ANAPC1: variants seen among roughly 807,000 people sequenced by gnomAD.
ANAPC1 encodes anaphase promoting complex subunit 1.
ANAPC1 carries 36 observed loss-of-function variants against 208.0 expected under a neutral mutation model. The observed-to-expected ratio is 0.17, with a 90% CI of 0.13 to 0.23. The LOEUF (loss-of-function observed/expected upper bound fraction) is 0.23, where lower values mean the gene tolerates loss of function less well. ANAPC1 is among the 10% of genes least tolerant of loss of function. The pLI is 1.00. For synonymous variants in ANAPC1, 378 were observed against 695.2 expected (o/e 0.54, Z 7.18); for missense variants, 942 against 2,011.6 (o/e 0.47, Z 10.17).
At chr2:111,843,758 A>G (rs4488672) in intron 16 of ANAPC1, among the ~76,000 whole-genome samples, 159 bp from the exon 17 acceptor site, 6 of 151,570 alleles carry the variant, frequency 4.0e-5, no homozygotes, top group Non-Finnish European at 8.8e-5. Context: ...TTACCTAACC[A>G]ATCATCTGAA....
rs1246088998 is a variant in ANAPC1 at position 111,855,071 on chromosome 2, T to TC, written c.1515+1542_1515+1543insG. Among the ~76,000 whole-genome samples, 3 of 152,294 alleles carry TC rather than the reference T, an allele frequency of 2.0e-5. No homozygotes were observed. In the East Asian group the frequency reaches 5.8e-4, roughly 29 times the overall value. ...GTGATTCTTCCCTTCATTTGAAAAC[T>TC]TAGAGGCCATTAGAGGGTTACTAAT... is the stretch of plus-strand genomic sequence containing the variant. On this transcript the variant is annotated intron_variant, in intron 13 of 47. Transcript: ENST00000341068.
intron 19 of ANAPC1, among the ~76,000 whole-genome samples, chr2:111,834,218 C>T (rs75031626): frequency 0.12 from 17,967 of 152,162 alleles, 1,372 homozygotes; most frequent in Non-Finnish European, 0.16. Context: ...TTGTTTGAGA[C>T]TTTACATGTA....
intron 10 of ANAPC1, among the ~76,000 whole-genome samples, chr2:111,859,700 T>C (rs1025571442): frequency 6.6e-6 from 1 of 152,192 alleles, no homozygotes; most frequent in Non-Finnish European, 1.5e-5. Flanking sequence ...CTCTCTAAGA[T>C]TATGCATTTG....
chr2:111,792,697 A>G (rs563416324), intron 37 of ANAPC1, 142 bp from the exon 38 acceptor site: 3 of 581,162 alleles, frequency 5.2e-6, no homozygotes, highest in South Asian at 2.2e-5. Flanking sequence ...TCACGCCTGT[A>G]ATCCCAGCAC....
chr2:111,874,566 T>C (rs1285491885), intron 3 of ANAPC1, among the ~76,000 whole-genome samples: 1 of 152,210 alleles, frequency 6.6e-6, no homozygotes, highest in Non-Finnish European at 1.5e-5. Context: ...CATAATGTTT[T>C]CAAGGTTCAT....
intron 18 of ANAPC1, among the ~76,000 whole-genome samples, chr2:111,836,915 C>T (rs916300773): frequency 6.6e-6 from 1 of 151,470 alleles, no homozygotes; most frequent in African/African-American, 2.4e-5. Context: ...TTGCAGTGAG[C>T]CAAGATCGTG....
rs1678255050 is a variant in ANAPC1, at chr2:111,798,152, C to G, written c.4296+2645G>C. 6.5e-5 allele frequency among the ~76,000 whole-genome samples: 9 copies of G among 137,472 alleles called. No homozygotes were observed. The South Asian group carries it at 2.4e-3, about 36-fold the overall frequency. 90.2% of individuals were successfully genotyped at this position (137,472 alleles called of 152,430 possible). On this transcript the variant is annotated intron_variant, in intron 34 of 47. Transcript: ENST00000341068. ...ATATAAATTCTGTGCAAATGTCTGC[C>G]TGATCCATGAACCATGTGTGCACAG...
intron 39 of ANAPC1, among the ~76,000 whole-genome samples, chr2:111,785,962 C>T (rs1452797187): frequency 6.6e-6 from 1 of 152,108 alleles, no homozygotes; most frequent in Non-Finnish European, 1.5e-5. Flanking sequence ...ATACACACGT[C>T]CTTGAAACAC....
intron 16 of ANAPC1, among the ~76,000 whole-genome samples, chr2:111,846,534 C>CATATATATATAT (rs1158119946): frequency 5.9e-5 from 4 of 68,350 alleles, no homozygotes; most frequent in African/African-American, 1.4e-4. Context: ...TATACATATA[C>CATATATATATAT]ATATATATAT....
intron 34 of ANAPC1, among the ~76,000 whole-genome samples, chr2:111,797,017 GT>G (rs1325702938): frequency 6.6e-6 from 1 of 151,616 alleles, no homozygotes; most frequent in Non-Finnish European, 1.5e-5. Context: ...TGTTTTTTGT[GT>G]TTTTTTGTTT....
chr2:111,800,829 T>C lies in ANAPC1; in HGVS notation c.4264A>G (p.Asn1422Asp), dbSNP rs1678404540. The change falls in exon 34 of 48, where the codon AAT (asparagine) becomes GAT (aspartate). Residue 1422 changes from asparagine (N) to aspartate (D), a missense_variant. By Grantham distance (23) the Asn-to-Asp change is conservative. Coordinates refer to ENST00000341068, the MANE Select transcript of ANAPC1 (RefSeq NM_022662.4). ...CLILWDDILP[N>D]SKWVDSNVPQ... ...ACATTGCTGTCAACCCACTTGGAATTTGGTAAAATATCATCCCACAAAATC... is the reference window on the plus strand; with the variant it reads ...ACATTGCTGTCAACCCACTTGGAATCTGGTAAAATATCATCCCACAAAATC... 1.7e-6 allele frequency: 1 copy of C among 597,108 alleles called. No homozygotes were observed. The highest frequency in any genetic ancestry group is 2.0e-5 in the South Asian group (1 of 51,230). The allele number at this position is 597,108 out of a possible 1,614,324, so 37.0% of individuals were successfully genotyped here. A position where few individuals can be genotyped will look rare whatever the true frequency, so the allele number is the denominator to read the frequency against.
chr2:111,854,184 A>G (rs998042427), intron 13 of ANAPC1, among the ~76,000 whole-genome samples: 4 of 152,162 alleles, frequency 2.6e-5, no homozygotes, highest in Non-Finnish European at 1.5e-5. Context: ...TCTCCTGTAC[A>G]TCTCCCTCAG....
intron 7 of ANAPC1, among the ~76,000 whole-genome samples, chr2:111,867,701 AAAAC>A (rs1251921726): frequency 2.0e-5 from 3 of 151,072 alleles, no homozygotes; most frequent in African/African-American, 2.4e-5. Context: ...AAAAAAAAAA[AAAAC>A]CCAAAACAAC....
chr2:111,848,203 GA>G (rs1259731555), intron 14 of ANAPC1, among the ~76,000 whole-genome samples: 1 of 152,196 alleles, frequency 6.6e-6, no homozygotes, highest in African/African-American at 2.4e-5. Flanking sequence ...GGTCCTCACA[GA>G]AAACAACTAG....
chr2:111,838,539 T>G (rs1680596659), intron 17 of ANAPC1, 27 bp from the exon 18 acceptor site: 1 of 1,567,896 alleles, frequency 6.4e-7, no homozygotes, highest in South Asian at 1.2e-5. Flanking sequence ...AAAGAAAAGA[T>G]AAAAATCGTA....
chr2:111,809,145 C>T lies in ANAPC1; in HGVS notation c.3634G>A (p.Val1212Ile). ...EMTSIGLLLG[V>I]SAAKLGTMDM... The stretch of plus-strand genomic sequence containing the variant: ...ATGGTGCCTAGTTTTGCAGCAGAAA[C>T]ACCAAGTAGCAGTCCAATGCTTGTC... The change falls in exon 29 of 48, where the codon GTT becomes ATT. Residue 1212 changes from valine (V) to isoleucine (I), a missense_variant. Val to Ile is a conservative substitution (Grantham distance 29, BLOSUM62 3). Coordinates refer to ENST00000341068, the MANE Select transcript of ANAPC1 (RefSeq NM_022662.4). 1 of 1,610,232 alleles carries T rather than the reference C, an allele frequency of 6.2e-7. No individual in the cohort carries two copies.
Position 111,880,968 on chromosome 2 carries a change from A to G in ANAPC1, c.-24-119T>C, listed in dbSNP as rs912186750. The G allele has an allele frequency of 7.7e-6, 7 of 914,726 alleles. No individual in the cohort carries two copies. The East Asian group carries it at 8.0e-5, about 10-fold the overall frequency. 56.7% of individuals were successfully genotyped at this position (914,726 alleles called of 1,614,324 possible). ...GTCAAGTAATTATATCAGACTGGTAAGTATATAAGTTGGTCATAACATAAA... is the reference window on the plus strand; with the variant it reads ...GTCAAGTAATTATATCAGACTGGTAGGTATATAAGTTGGTCATAACATAAA... On this transcript the variant is annotated intron_variant, in intron 1 of 47. Coordinates refer to ENST00000341068, the MANE Select transcript of ANAPC1 (RefSeq NM_022662.4).
Position 111,834,735 on chromosome 2 carries a change from A to C in ANAPC1, c.2253T>G (p.Ser751=), listed in dbSNP as rs1465227582. The C allele has an allele frequency of 1.2e-6, 2 of 1,613,682 alleles. No individual in the cohort carries two copies. The highest frequency in any genetic ancestry group is 2.2e-5 in the East Asian group (1 of 44,848). The change falls in exon 19 of 48, where the codon TCT becomes TCG. Residue 751 remains serine, a synonymous_variant. Coordinates refer to ENST00000341068, the MANE Select transcript of ANAPC1 (RefSeq NM_022662.4). ...EDFSQNLSLD[S]STLLFTHIPA... is the part of the protein sequence containing the mutation. The stretch of plus-strand genomic sequence containing the variant: ...GTATGTGAGTAAAGAGAAGTGTAGA[A>C]GAATCCAGACTGAGATTCTGTGAAA...
intron 2 of ANAPC1, 50 bp from the exon 3 acceptor site, chr2:111,879,021 T>C (rs1423050550): frequency 3.2e-6 from 5 of 1,558,582 alleles, no homozygotes; most frequent in Non-Finnish European, 4.3e-6. Flanking sequence ...TTTTTTGTTC[T>C]TCAAAAATCT....
Sources: gnomAD v4.1 joint callset for allele counts (sites outside exome capture counted in the v4.1 genomes callset) on GRCh38, gnomAD v4.1.1 for gene constraint, MANE v1.5 for transcripts, NCBI Gene and HGNC (gene_info 2026-07-23, HGNC 2026-07-21) for gene names.